Variants in KCNQ1 observed in about 807,000 individuals in gnomAD.
The protein encoded by KCNQ1 is potassium voltage-gated channel subfamily Q member 1.
Under a neutral mutation model 72.4 loss-of-function variants are expected in KCNQ1, and 49 were observed. The observed-to-expected ratio is 0.68, with a 90% confidence interval of 0.54 to 0.86. The LOEUF (loss-of-function observed/expected upper bound fraction) is 0.86. Among genes scored for constraint, KCNQ1 ranks in the 40% least tolerant of loss-of-function variants. The pLI, the probability that KCNQ1 is intolerant of heterozygous loss-of-function variation, is 0.00. For missense variants in KCNQ1, 790 were observed against 945.1 expected, an observed-to-expected ratio of 0.84 and a Z score of 2.15; for synonymous variants, 450 against 412.6, an observed-to-expected ratio of 1.09 and a Z score of -1.10.
At chr11:2,738,811 C>T (rs1846000195) in intron 11 of KCNQ1, among the ~76,000 whole-genome samples, 1 of 152,216 alleles carries the variant, frequency 6.6e-6, no homozygotes, top group Non-Finnish European at 1.5e-5. Flanking sequence ...TGGGCATTGG[C>T]ACACTGGCCT....
chr11:2,552,261 G>A (rs886821490), intron 2 of KCNQ1, among the ~76,000 whole-genome samples: 10 of 152,100 alleles, frequency 6.6e-5, no homozygotes, highest in South Asian at 6.2e-4. Flanking sequence ...GATTCATTTC[G>A]AGTTTAATTT....
intron 11 of KCNQ1, chr11:2,675,368 A>G (rs1318861577): frequency 5.0e-6 from 2 of 398,556 alleles, no homozygotes; most frequent in African/African-American, 4.1e-5. Flanking sequence ...ACGTGTGTGC[A>G]TTAGAAAACA....
chr11:2,631,232 C>T (rs868622311), intron 10 of KCNQ1: 6 of 398,362 alleles, frequency 1.5e-5, no homozygotes, highest in African/African-American at 1.2e-4. Flanking sequence ...ATTAACTCTC[C>T]TGATGGTGTC....
At chr11:2,465,572 C>T (rs984772739) in intron 1 of KCNQ1, among the ~76,000 whole-genome samples, 5 of 152,232 alleles carry the variant, frequency 3.3e-5, no homozygotes, top group Non-Finnish European at 4.4e-5. Flanking sequence ...GCTCCCTGTC[C>T]GGCCCCTGCC....
At chr11:2,727,437 C>T (rs887856421) in intron 11 of KCNQ1, among the ~76,000 whole-genome samples, 1 of 152,182 alleles carries the variant, frequency 6.6e-6, no homozygotes, top group African/African-American at 2.4e-5. Context: ...AGGCCTTGTG[C>T]AGGAACATGG....
rs1260713014 is a variant in KCNQ1 at position 2,483,312 on chromosome 11, T to G, written c.386+37828T>G. Among the ~76,000 whole-genome samples the G allele has an allele frequency of 6.6e-6, 1 of 152,146 alleles. No homozygotes were observed. The highest frequency in any genetic ancestry group is 1.5e-5 in the Non-Finnish European group (1 of 68,038). On this transcript the variant is annotated intron_variant, in intron 1 of 15. Transcript: ENST00000155840. This position sits in a 1 kb window ranked among gnomAD's most constrained non-coding sequence, Gnocchi z 6.1. Reference sequence around the variant, plus strand: ...GGCTTCTGTACTTTAAAAAAATCATTTTGTTTTGAAGCAATTTTAGACCTA... The same window carrying G: ...GGCTTCTGTACTTTAAAAAAATCATGTTGTTTTGAAGCAATTTTAGACCTA...
chr11:2,672,880 G>C (rs1291233870), intron 11 of KCNQ1: 1 of 398,616 alleles, frequency 2.5e-6, no homozygotes, highest in South Asian at 1.3e-4. Context: ...CCACCTGACT[G>C]TCAGGGGAGC....
intron 15 of KCNQ1, among the ~76,000 whole-genome samples, chr11:2,799,198 G>A (rs7112108): frequency 0.03 from 4,632 of 152,312 alleles, 220 homozygotes; most frequent in African/African-American, 0.1. Flanking sequence ...AGAGAGCAGC[G>A]CAGGAGAGAA....
chr11:2,810,131 C>T (rs1157959268), intron 15 of KCNQ1, among the ~76,000 whole-genome samples: 1 of 152,232 alleles, frequency 6.6e-6, no homozygotes, highest in Non-Finnish European at 1.5e-5. Context: ...TCCAGACTTA[C>T]TATTCAGAAG....
chr11:2,614,970 T>C, intron 10 of KCNQ1: 1 of 398,480 alleles, frequency 2.5e-6, no homozygotes, highest in Non-Finnish European at 4.4e-6. Flanking sequence ...ATTGAATCTG[T>C]AGATCACTGG....
chr11:2,825,235 C>G (rs1654109193), intron 15 of KCNQ1, among the ~76,000 whole-genome samples: 1 of 152,226 alleles, frequency 6.6e-6, no homozygotes, highest in South Asian at 2.1e-4. Flanking sequence ...GCCTTCATAG[C>G]CCAGGAAGCC....
intron 10 of KCNQ1, chr11:2,646,779 G>A (rs1849672588): frequency 1.5e-5 from 6 of 398,468 alleles, no homozygotes; most frequent in Non-Finnish European, 2.7e-5. Context: ...TCCTTTCAAA[G>A]TGCTGAAATT....
rs539302139 is a variant in KCNQ1 at position 2,475,853 on chromosome 11, A to C, written c.386+30369A>C. ...ATGTTTTGCCTGCCACCATCCACGT[A>C]AGATGGGACTTGGTCCTCCTTGCCT... On this transcript the variant is annotated intron_variant, in intron 1 of 15. Coordinates refer to ENST00000155840, the MANE Select transcript of KCNQ1 (RefSeq NM_000218.3). This position sits in a 1 kb window ranked among gnomAD's most constrained non-coding sequence, Gnocchi z 5.8. Among the ~76,000 whole-genome samples the C allele has an allele frequency of 2.0e-5, 3 of 152,218 alleles. No individual in the cohort carries two copies. The highest frequency in any genetic ancestry group is 6.5e-5 in the Admixed American group (1 of 15,286).
Position 2,482,671 on chromosome 11 carries a change from C to T in KCNQ1, c.386+37187C>T, listed in dbSNP as rs1469015027. 6.6e-6 allele frequency among the ~76,000 whole-genome samples: 1 copy of T among 152,084 alleles called. No homozygotes were observed. Among genetic ancestry groups the T allele is most frequent in the Non-Finnish European group, 1.5e-5 (1 of 68,016 alleles). On this transcript the variant is annotated intron_variant, in intron 1 of 15. Transcript: ENST00000155840. This position sits in a 1 kb window ranked among gnomAD's most constrained non-coding sequence, Gnocchi z 5.7. ...CCAACCCCCACCCCACACTGCACCA[C>T]AAAGCTGGGTATTATCATAAAAACA...
intron 11 of KCNQ1, among the ~76,000 whole-genome samples, chr11:2,722,487 G>C (rs1399727248): frequency 3.9e-5 from 6 of 152,154 alleles, no homozygotes; most frequent in Non-Finnish European, 7.4e-5. Flanking sequence ...GAAGGTGGAG[G>C]CTTGGTCACC....
rs1396247629 is a variant in KCNQ1, at chr11:2,477,927, G to A, written c.386+32443G>A. On this transcript the variant is annotated intron_variant, in intron 1 of 15. Transcript: ENST00000155840. This position sits in a 1 kb window ranked among gnomAD's most constrained non-coding sequence, Gnocchi z 5.0. ...GGCCATCAAGGAAACCCCGTGGCAGGGGCAGGGGTTCAAAGAGCTGGTGGT... is the reference window on the plus strand; with the variant it reads ...GGCCATCAAGGAAACCCCGTGGCAGAGGCAGGGGTTCAAAGAGCTGGTGGT... 1.3e-5 allele frequency among the ~76,000 whole-genome samples: 2 copies of A among 152,168 alleles called. No individual in the cohort carries two copies. The highest frequency in any genetic ancestry group is 2.4e-5 in the African/African-American group (1 of 41,426).
intron 15 of KCNQ1, among the ~76,000 whole-genome samples, chr11:2,836,732 G>A (rs376335541): frequency 2.6e-5 from 4 of 152,334 alleles, no homozygotes; most frequent in African/African-American, 9.6e-5. Flanking sequence ...GTCACATCAC[G>A]CCTCGCCTCA....
At chr11:2,685,340 T>C (rs114748381) in intron 11 of KCNQ1, 5 of 398,662 alleles carry the variant, frequency 1.3e-5, no homozygotes, top group African/African-American at 4.1e-5. Flanking sequence ...AGCCATGTCA[T>C]GGAGGGTACA....
chr11:2,804,029 G>A (rs893178791), intron 15 of KCNQ1, among the ~76,000 whole-genome samples: 6 of 152,202 alleles, frequency 3.9e-5, no homozygotes, highest in South Asian at 2.1e-4. Context: ...GGGAAAGGAC[G>A]GGATGGCGGG....
Sources: allele counts gnomAD v4.1 joint callset (sites outside exome capture counted in the v4.1 genomes callset), GRCh38; gene constraint gnomAD v4.1.1; non-coding constraint Gnocchi (gnomAD v3.1); transcripts MANE v1.5; gene names NCBI Gene and HGNC (gene_info 2026-07-23, HGNC 2026-07-21).